The following BAIAP2L1 variants were observed in gnomAD, a reference collection of about 807,000 sequenced individuals.
The protein encoded by BAIAP2L1 is BAR/IMD domain-containing adapter protein 2-like 1.
In BAIAP2L1, 35 loss-of-function variants were observed where a neutral mutation model predicts 66.3. That is an observed-to-expected ratio of 0.53 (90% CI 0.40 to 0.70). BAIAP2L1 has a LOEUF of 0.70. BAIAP2L1 is among the 30% of genes least tolerant of loss of function. BAIAP2L1 has a pLI of 0.00. For synonymous variants in BAIAP2L1, 269 were observed against 248.7 expected, an observed-to-expected ratio of 1.08 and a Z score of -0.77; for missense variants, 622 against 656.9, an observed-to-expected ratio of 0.95 and a Z score of 0.58.
At chr7:98,338,146 C>T (rs1009296435) in intron 3 of BAIAP2L1, among the ~76,000 whole-genome samples, 12 of 152,014 alleles carry the variant, frequency 7.9e-5, no homozygotes, top group African/African-American at 2.7e-4. Flanking sequence ...TAAGAGATGC[C>T]GTTAGGCGGG....
At chr7:98,300,146 A>G (rs1025219725) in intron 12 of BAIAP2L1, among the ~76,000 whole-genome samples, 1 of 152,158 alleles carries the variant, frequency 6.6e-6, no homozygotes, top group Non-Finnish European at 1.5e-5. Flanking sequence ...TGGCTGCTGG[A>G]CTGGGCAGGG....
Position 98,315,625 on chromosome 7 carries a change from A to ATCAT in BAIAP2L1, c.487-14_487-13insATGA. The ATCAT allele has an allele frequency of 1.8e-6, 2 of 1,130,960 alleles. No individual in the cohort carries two copies. Among genetic ancestry groups the ATCAT allele is most frequent in the Non-Finnish European group, 2.3e-6 (2 of 861,714 alleles). 70.1% of individuals were successfully genotyped at this position (1,130,960 alleles called of 1,614,324 possible). On this transcript the variant is annotated splice_polypyrimidine_tract_variant and intron_variant, in intron 6 of 13. Transcript: ENST00000005260. ...CGGTCTCCACATACTAAAAAAAAAA[A>ATCAT]AATAATAATAATAATAATTATATAA... is the stretch of plus-strand genomic sequence containing the variant.
In BAIAP2L1 at chr7:98,310,542, G is replaced by T; in HGVS notation, c.858C>A (p.Pro286=). Residue 286 remains proline (P), a synonymous_variant, in exon 9 of 14, where the codon CCC becomes CCA. Transcript: ENST00000005260. ...TLSKCSPKMP[P]APSGRAYTSP... The stretch of plus-strand genomic sequence containing the variant: ...TGGTATATGCTCTGCCTGAAGGAGC[G>T]GGGGGCATCTTTGGTGAGCATTTAG... The T allele has an allele frequency of 6.3e-7, 1 of 1,594,936 alleles. No individual in the cohort carries two copies. The highest frequency in any genetic ancestry group is 8.5e-7 in the Non-Finnish European group (1 of 1,174,496).
At chr7:98,396,040 TTCTTC>T (rs1803200268) in intron 1 of BAIAP2L1, among the ~76,000 whole-genome samples, 1 of 152,194 alleles carries the variant, frequency 6.6e-6, no homozygotes, top group African/African-American at 2.4e-5. Flanking sequence ...GATTTTTATT[TTCTTC>T]AACATTCCAC....
chr7:98,328,603 T>G (rs1409611517), intron 3 of BAIAP2L1, among the ~76,000 whole-genome samples: 1 of 151,010 alleles, frequency 6.6e-6, no homozygotes, highest in Non-Finnish European at 1.5e-5. Flanking sequence ...TCCCAGCTAC[T>G]TGGGAGGCTG....
chr7:98,365,611 G>T (rs535902708), intron 1 of BAIAP2L1, among the ~76,000 whole-genome samples: 1 of 152,148 alleles, frequency 6.6e-6, no homozygotes, highest in Non-Finnish European at 1.5e-5. Context: ...GCTGCGGGGG[G>T]TGGATCACAG....
At chr7:98,385,646 TCAAG>T (rs1167181591) in intron 1 of BAIAP2L1, among the ~76,000 whole-genome samples, 2 of 151,990 alleles carry the variant, frequency 1.3e-5, no homozygotes, top group African/African-American at 4.8e-5. Context: ...ACTCCTGACC[TCAAG>T]CAAGCTGCCT....
At chr7:98,294,285 G>A (rs577089075) in intron 12 of BAIAP2L1, among the ~76,000 whole-genome samples, 174 bp from the exon 13 acceptor site, 3 of 152,298 alleles carry the variant, frequency 2.0e-5, no homozygotes, top group East Asian at 1.9e-4. Context: ...GAGCCGCTGC[G>A]ACTGGCCTGT....
intron 1 of BAIAP2L1, chr7:98,386,094 C>T (rs1269811775): frequency 2.5e-6 from 4 of 1,583,142 alleles, no homozygotes; most frequent in Non-Finnish European, 3.4e-6. Context: ...TCATCTTCTT[C>T]CGGATTTGGC....
chr7:98,367,022 G>A (rs1187017190), intron 1 of BAIAP2L1, among the ~76,000 whole-genome samples: 1 of 151,658 alleles, frequency 6.6e-6, no homozygotes, highest in African/African-American at 2.4e-5. Context: ...TTCCCGAGTA[G>A]CTGGGAGGTG....
intron 1 of BAIAP2L1, among the ~76,000 whole-genome samples, chr7:98,385,487 C>A (rs1407503800): frequency 6.6e-6 from 1 of 152,076 alleles, no homozygotes; most frequent in Admixed American, 6.5e-5. Context: ...GTGGCGCAAT[C>A]TCTGCTCACT....
intron 13 of BAIAP2L1, 45 bp from the exon 14 acceptor site, chr7:98,293,641 G>A: frequency 1.3e-6 from 2 of 1,577,200 alleles, no homozygotes; most frequent in Non-Finnish European, 1.7e-6. Flanking sequence ...GCTCTACGAG[G>A]GAAACTGGAT....
chr7:98,319,928 C>T, intron 5 of BAIAP2L1, 130 bp downstream of exon 5: 2 of 756,260 alleles, frequency 2.6e-6, no homozygotes, highest in South Asian at 3.4e-5. Context: ...CGGTTTCATG[C>T]ATCTGGGCAT....
intron 3 of BAIAP2L1, among the ~76,000 whole-genome samples, chr7:98,333,336 A>AG (rs1801544122): frequency 6.6e-6 from 1 of 151,844 alleles, no homozygotes; most frequent in Admixed American, 6.6e-5. Flanking sequence ...GGTGGCTCAC[A>AG]CCTATAATCC....
intron 3 of BAIAP2L1, among the ~76,000 whole-genome samples, chr7:98,324,048 G>A (rs1022677892): frequency 5.9e-5 from 9 of 152,098 alleles, no homozygotes; most frequent in South Asian, 2.1e-4. Context: ...AGGGTGGGGC[G>A]AAGCAGGCAC....
chr7:98,308,381 G>A, intron 9 of BAIAP2L1: 1 of 429,968 alleles, frequency 2.3e-6, no homozygotes, highest in South Asian at 1.7e-5. Context: ...TCACCCCCAG[G>A]CCTAAGAAGG....
chr7:98,322,379 C>T (rs1370524706), intron 3 of BAIAP2L1, among the ~76,000 whole-genome samples: 1 of 152,168 alleles, frequency 6.6e-6, no homozygotes, highest in Non-Finnish European at 1.5e-5. Flanking sequence ...TCATCCTCGA[C>T]ATGTCTCAAA....
intron 3 of BAIAP2L1, among the ~76,000 whole-genome samples, chr7:98,350,080 C>T (rs150913431): frequency 2.6e-5 from 4 of 151,284 alleles, no homozygotes; most frequent in Non-Finnish European, 2.9e-5. Context: ...TGGCACAGCC[C>T]GGGTTTCAAG....
At chr7:98,377,140 A>C (rs1802652307) in intron 1 of BAIAP2L1, among the ~76,000 whole-genome samples, 1 of 152,176 alleles carries the variant, frequency 6.6e-6, no homozygotes, top group South Asian at 2.1e-4. Context: ...TCTTGAAATA[A>C]ATCTTTTCAC....
Sources: allele counts gnomAD v4.1 joint callset (sites outside exome capture counted in the v4.1 genomes callset), GRCh38; gene constraint gnomAD v4.1.1; transcripts MANE v1.5; gene names NCBI Gene and HGNC (gene_info 2026-07-23, HGNC 2026-07-21).